SSH2: variants seen among roughly 807,000 people sequenced by gnomAD.
The protein encoded by SSH2 is slingshot protein phosphatase 2.
Under a neutral mutation model 135.2 loss-of-function variants are expected in SSH2, and 37 were observed. The observed-to-expected ratio is 0.27, with a 90% CI of 0.21 to 0.36. The LOEUF is 0.36. SSH2 is among the 10% of genes least tolerant of loss of function. SSH2 has a pLI of 1.00. For missense variants in SSH2, 1,408 were observed against 1,765.3 expected (o/e 0.80, Z 3.63); for synonymous variants, 628 against 646.2 (o/e 0.97, Z 0.43).
intron 3 of SSH2, among the ~76,000 whole-genome samples, chr17:29,749,543 T>C (rs2040864543): frequency 6.6e-6 from 1 of 152,038 alleles, no homozygotes; most frequent in South Asian, 2.1e-4. Context: ...GTATAGAAGA[T>C]AAAAAGTGGT....
intron 1 of SSH2, among the ~76,000 whole-genome samples, chr17:29,853,086 A>AT (rs35782935): frequency 0.018 from 2,424 of 134,758 alleles, 59 homozygotes; most frequent in Middle Eastern, 0.032. Flanking sequence ...CACTGCAGAG[A>AT]TTTTTTTTTT....
Position 29,639,442 on chromosome 17 carries a change from C to T in SSH2, c.1428-2640G>A, listed in dbSNP as rs141854885. 6.6e-5 allele frequency among the ~76,000 whole-genome samples: 10 copies of T among 151,996 alleles called. No homozygotes were observed. The South Asian group carries it at 8.3e-4, about 13-fold the overall frequency. On this transcript the variant is annotated intron_variant, in intron 14 of 15. Coordinates refer to ENST00000540801, the MANE Select transcript of SSH2 (RefSeq NM_001282129.2). ...ACAACTTGCCCTGGGCTCCGGGCCA[C>T]GCCTGGGCTCTGCCGAGTCATGCTC...
At chr17:29,761,147 C>G (rs1429872536) in intron 3 of SSH2, 5 of 1,288,992 alleles carry the variant, frequency 3.9e-6, no homozygotes, top group South Asian at 2.5e-5. Flanking sequence ...GCGGCGGACT[C>G]ACAGCTGGTT....
At chr17:29,637,257 C>T (rs931956530) in intron 14 of SSH2, among the ~76,000 whole-genome samples, 17 of 152,110 alleles carry the variant, frequency 1.1e-4, no homozygotes, top group African/African-American at 4.1e-4. Flanking sequence ...TGCCACCATG[C>T]CTGGCTAATT....
rs758647306 is a variant in SSH2, at chr17:29,929,973, G to A, written c.28C>T (p.Pro10Ser). MALVTVQRS[P>S]TPSTTSSPCA... ...GGGCTGGAGGTGGTGCTGGGGGTAGGTGACCGCTGGACCGTGACCAAAGCC... is the reference window on the plus strand; with the variant it reads ...GGGCTGGAGGTGGTGCTGGGGGTAGATGACCGCTGGACCGTGACCAAAGCC... Residue 10 changes from proline to serine, a missense_variant, in exon 1 of 16, where the codon CCT (proline) becomes TCT (serine). Pro to Ser is a moderately conservative substitution (Grantham distance 74). Transcript: ENST00000540801. 1 of 1,604,172 alleles carries A rather than the reference G, an allele frequency of 6.2e-7. No homozygotes were observed. Among genetic ancestry groups the A allele is most frequent in the South Asian group, 1.1e-5 (1 of 88,978 alleles).
intron 4 of SSH2, among the ~76,000 whole-genome samples, chr17:29,700,243 T>G (rs1272603679): frequency 2.0e-5 from 3 of 152,212 alleles, no homozygotes; most frequent in Non-Finnish European, 4.4e-5. Context: ...GGCCCATTTA[T>G]GACAACAAGC....
chr17:29,727,000 C>T (rs1190020602), intron 3 of SSH2, among the ~76,000 whole-genome samples: 1 of 152,218 alleles, frequency 6.6e-6, no homozygotes, highest in Non-Finnish European at 1.5e-5. Context: ...AGCTTACAGG[C>T]AATTCTTCCT....
intron 3 of SSH2, among the ~76,000 whole-genome samples, chr17:29,793,370 A>G (rs2042104705): frequency 6.6e-6 from 1 of 152,188 alleles, no homozygotes; most frequent in Admixed American, 6.5e-5. Context: ...ACAAAGTGAA[A>G]TATTTACCAA....
At chr17:29,760,270 T>A (rs187947047) in intron 3 of SSH2, among the ~76,000 whole-genome samples, 1 of 152,188 alleles carries the variant, frequency 6.6e-6, no homozygotes, top group Non-Finnish European at 1.5e-5. Context: ...TTTGCTTAAG[T>A]GCAAAGAGTC....
chr17:29,750,329 C>G (rs894124666), intron 3 of SSH2, among the ~76,000 whole-genome samples: 1 of 150,446 alleles, frequency 6.6e-6, no homozygotes, highest in Non-Finnish European at 1.5e-5. Flanking sequence ...ATCCCAGCTA[C>G]TTGGAAGGCT....
intron 2 of SSH2, among the ~76,000 whole-genome samples, chr17:29,796,996 T>C (rs2042168897): frequency 6.6e-6 from 1 of 151,996 alleles, no homozygotes; most frequent in Non-Finnish European, 1.5e-5. Flanking sequence ...TCTTTATTTT[T>C]AAGTTTTTGT....
At position 29,630,937 on chromosome 17, in the gene SSH2, T is replaced by C. The variant is rs748616316; in HGVS notation, c.4257A>G (p.Ala1419=). The change falls in exon 16 of 16, where the codon GCA becomes GCG. Residue 1419 remains alanine (A), a synonymous_variant. Coordinates refer to ENST00000540801, the MANE Select transcript of SSH2 (RefSeq NM_001282129.2). The part of the protein sequence containing the change: ...CACPAPGLAV[A]PRQQHGRTHP... ...GAGTTCTGCCGTGTTGCTGACGGGG[T>C]GCCACGGCCAGCCCTGGAGCTGGGC... 6.2e-7 allele frequency: 1 copy of C among 1,609,248 alleles called. No individual in the cohort carries two copies. Among genetic ancestry groups the C allele is most frequent in the South Asian group, 1.1e-5 (1 of 91,014 alleles).
chr17:29,862,718 A>G (rs1389597713), intron 1 of SSH2, among the ~76,000 whole-genome samples: 1 of 152,232 alleles, frequency 6.6e-6, no homozygotes, highest in East Asian at 1.9e-4. Context: ...CTGGCCTGCA[A>G]TTAGCCTATT....
At chr17:29,822,750 C>T (rs1274328096) in intron 2 of SSH2, among the ~76,000 whole-genome samples, 1 of 152,160 alleles carries the variant, frequency 6.6e-6, no homozygotes, top group Non-Finnish European at 1.5e-5. Flanking sequence ...GGACAGTACT[C>T]TTGGCTTTCC....
At chr17:29,767,700 C>A (rs1446377881) in intron 3 of SSH2, among the ~76,000 whole-genome samples, 1 of 151,720 alleles carries the variant, frequency 6.6e-6, no homozygotes, top group African/African-American at 2.4e-5. Flanking sequence ...TATCACTATA[C>A]CTTAGACATT....
Position 29,631,607 on chromosome 17 carries a change from G to T in SSH2, c.3587C>A (p.Ser1196Tyr), listed in dbSNP as rs777031709. ...SWEESQESPL[S>Y]SGSEVPYKDS... ...CTTATATGGCACCTCACTGCCACTG[G>T]AGAGAGGGCTCTCCTGACTTTCTTC... The change falls in exon 16 of 16, where the codon TCC becomes TAC. Residue 1196 changes from serine (S) to tyrosine (Y), a missense_variant. By Grantham distance (144) the Ser-to-Tyr change is moderately radical. Around this residue, in one of 3 missense-constraint regions of SSH2, gnomAD observed 1,080 missense variants for 1,144.5 expected, o/e 0.94. Transcript: ENST00000540801. 6.2e-7 allele frequency: 1 copy of T among 1,614,162 alleles called. No individual in the cohort carries two copies. The highest frequency in any genetic ancestry group is 2.2e-5 in the East Asian group (1 of 44,890).
intron 2 of SSH2, among the ~76,000 whole-genome samples, chr17:29,846,907 C>T (rs907142397): frequency 1.3e-5 from 2 of 152,130 alleles, no homozygotes; most frequent in African/African-American, 4.8e-5. Flanking sequence ...GTTTTGGTGA[C>T]AGCTACCTGT....
intron 1 of SSH2, among the ~76,000 whole-genome samples, chr17:29,884,001 G>C (rs983457236): frequency 1.3e-5 from 2 of 152,064 alleles, no homozygotes; most frequent in African/African-American, 4.8e-5. Context: ...TATGATGAGT[G>C]AGAGAGGTTA....
intron 3 of SSH2, among the ~76,000 whole-genome samples, chr17:29,731,551 G>C (rs2040200146): frequency 1.3e-5 from 2 of 151,940 alleles, no homozygotes; most frequent in Admixed American, 1.3e-4. Flanking sequence ...CGCCTCCCAG[G>C]TTCAAGCGAT....
Sources: gnomAD v4.1 joint callset for allele counts (sites outside exome capture counted in the v4.1 genomes callset) on GRCh38, gnomAD v4.1.1 for gene constraint, gnomAD v4.1.1 regional missense constraint, MANE v1.5 for transcripts, NCBI Gene and HGNC (gene_info 2026-07-23, HGNC 2026-07-21) for gene names.